The following PTPRT variants were observed in gnomAD, a reference collection of about 807,000 sequenced individuals.
PTPRT encodes protein tyrosine phosphatase receptor type T.
In PTPRT, 56 loss-of-function variants were observed where a neutral mutation model predicts 176.8. The observed-to-expected ratio is 0.32, with a 90% CI of 0.26 to 0.40. PTPRT has a LOEUF of 0.40. Among genes scored for constraint, PTPRT ranks in the 10% least tolerant of loss-of-function variants. The pLI is 1.00. For synonymous variants in PTPRT, 783 were observed against 739.0 expected (o/e 1.06, Z -0.96); for missense variants, 1,540 against 1,908.2 (o/e 0.81, Z 3.60).
intron 11 of PTPRT, among the ~76,000 whole-genome samples, chr20:42,337,253 G>T (rs2058053625): frequency 6.6e-6 from 1 of 152,130 alleles, no homozygotes. Context: ...AACTTACAAT[G>T]TGTCAGAAAA....
At chr20:42,629,979 G>A (rs1476126128) in intron 7 of PTPRT, among the ~76,000 whole-genome samples, 1 of 152,182 alleles carries the variant, frequency 6.6e-6, no homozygotes, top group African/African-American at 2.4e-5. Flanking sequence ...CCCAACCCCT[G>A]AGACCTGTGA....
chr20:42,753,085 C>T (rs996156442), intron 6 of PTPRT, among the ~76,000 whole-genome samples: 3 of 152,248 alleles, frequency 2.0e-5, no homozygotes, highest in Non-Finnish European at 4.4e-5. Context: ...GTTAGCTAGA[C>T]GGACCCAGGG....
At chr20:42,276,239 A>G (rs1192732426) in intron 13 of PTPRT, among the ~76,000 whole-genome samples, 1 of 151,810 alleles carries the variant, frequency 6.6e-6, no homozygotes, top group Non-Finnish European at 1.5e-5. Context: ...TCTCATCTAG[A>G]GACAACAACC....
intron 7 of PTPRT, among the ~76,000 whole-genome samples, chr20:42,500,465 T>C (rs1029027501): frequency 6.6e-6 from 1 of 152,164 alleles, no homozygotes; most frequent in Non-Finnish European, 1.5e-5. Flanking sequence ...TAATTTGTTG[T>C]AATCAAAAAT....
intron 6 of PTPRT, among the ~76,000 whole-genome samples, chr20:42,744,897 T>A (rs1231847237): frequency 6.6e-6 from 1 of 152,172 alleles, no homozygotes; most frequent in Non-Finnish European, 1.5e-5. Context: ...AGGGCCCTAG[T>A]GATTGCAGAG....
the PTPRT span, among the ~76,000 whole-genome samples, chr20:42,040,686 CA>C: frequency 6.6e-6 from 1 of 152,140 alleles, no homozygotes; most frequent in Non-Finnish European, 1.5e-5. Flanking sequence ...GGAAGGAAAA[CA>C]GCCTAAATTA....
At chr20:42,556,197 C>T (rs2072858304) in intron 7 of PTPRT, among the ~76,000 whole-genome samples, 1 of 152,190 alleles carries the variant, frequency 6.6e-6, no homozygotes, top group African/African-American at 2.4e-5. Context: ...ATTTTCCCAT[C>T]CTGGCCAATT....
intron 1 of PTPRT, among the ~76,000 whole-genome samples, chr20:42,898,324 C>A (rs561635335): frequency 6.6e-6 from 1 of 152,240 alleles, no homozygotes; most frequent in South Asian, 2.1e-4. Flanking sequence ...TCCTCCTGTG[C>A]CAGCCTCCCA....
At chr20:42,529,153 C>A (rs1330106112) in intron 7 of PTPRT, among the ~76,000 whole-genome samples, 1 of 152,162 alleles carries the variant, frequency 6.6e-6, no homozygotes, top group Non-Finnish European at 1.5e-5. Context: ...GCTTCCTCAC[C>A]TATAAGATGT....
At chr20:42,854,762 G>C (rs1375772451) in intron 2 of PTPRT, among the ~76,000 whole-genome samples, 3 of 152,236 alleles carry the variant, frequency 2.0e-5, no homozygotes, top group Non-Finnish European at 2.9e-5. Context: ...AAGCCTGCTT[G>C]CTTCCTCTCT....
intron 27 of PTPRT, 80 bp from the exon 28 acceptor site, chr20:42,085,933 C>T: frequency 7.0e-7 from 1 of 1,420,676 alleles, no homozygotes. Flanking sequence ...ACAAGCTTTT[C>T]TTTTCTTTTT....
intron 1 of PTPRT, among the ~76,000 whole-genome samples, chr20:43,144,613 T>G (rs749991049): frequency 2.5e-4 from 38 of 152,170 alleles, no homozygotes; most frequent in South Asian, 1.2e-3. Flanking sequence ...ATGTCCAGAA[T>G]AGGCAAATCC....
At position 43,189,543 on chromosome 20, in the gene PTPRT, C is replaced by G. The variant is rs1359045434; in HGVS notation, c.88+103G>C. On this transcript the variant is annotated intron_variant, in intron 1 of 30. Transcript: ENST00000373187. The surrounding 1 kb of genome is among the most constrained non-coding windows in gnomAD (Gnocchi z 5.0). ...TTCCGGCCATGGGGACCCGCGCCCC[C>G]GCGAGCCCACACAACTTTCTCCTCC... is the stretch of plus-strand genomic sequence containing the variant. 2.7e-6 allele frequency: 2 copies of G among 737,064 alleles called. No homozygotes were observed. Among genetic ancestry groups the G allele is most frequent in the South Asian group, 6.8e-5 (1 of 14,604 alleles). 45.7% of individuals were successfully genotyped at this position (737,064 alleles called of 1,614,324 possible).
intron 2 of PTPRT, among the ~76,000 whole-genome samples, chr20:42,858,454 T>G (rs982673426): frequency 1.3e-5 from 2 of 152,166 alleles, no homozygotes; most frequent in Admixed American, 1.3e-4. Flanking sequence ...AAAACTCGTA[T>G]GTTGAAACGC....
At chr20:42,799,209 A>T (rs6130223) in intron 2 of PTPRT, among the ~76,000 whole-genome samples, 78,846 of 151,708 alleles carry the variant, frequency 0.52, 21,549 homozygotes, top group Middle Eastern at 0.63. Context: ...AAGAGGCAGA[A>T]GGAGAAGCAG....
intron 1 of PTPRT, among the ~76,000 whole-genome samples, chr20:43,016,552 CTTTTTTTTTTT>C (rs11482189): frequency 1.3e-5 from 1 of 76,220 alleles, no homozygotes; most frequent in South Asian, 3.7e-4. Flanking sequence ...TCTAAGGCCA[CTTTTTTTTTTT>C]TTTTTTTTTT....
intron 2 of PTPRT, among the ~76,000 whole-genome samples, chr20:42,822,299 G>A (rs940302782): frequency 2.0e-5 from 3 of 152,116 alleles, no homozygotes; most frequent in Non-Finnish European, 2.9e-5. Flanking sequence ...CAAGCAATGG[G>A]GAAAGGACAT....
In PTPRT at chr20:42,756,493, A is replaced by G. The variant is rs766331576; in HGVS notation, c.828T>C (p.Gly276=). 2.0e-5 allele frequency: 32 copies of G among 1,603,842 alleles called. No individual in the cohort carries two copies. Among genetic ancestry groups the G allele is most frequent in the Non-Finnish European group, 2.7e-5 (32 of 1,173,264 alleles). The part of the protein sequence containing the change: ...RCVIRSDGGS[G]VSNYAELIVK... ...CGATCAGCTCCGCGTAGTTGGACAC[A>G]CCAGACCCACCATCAGAGCGGATCA... is the stretch of plus-strand genomic sequence containing the variant. Residue 276 remains glycine (G), a synonymous_variant, in exon 6 of 31, where the codon GGT becomes GGC. Transcript: ENST00000373187.
intron 16 of PTPRT, among the ~76,000 whole-genome samples, chr20:42,195,847 T>G (rs1991196800): frequency 6.6e-6 from 1 of 152,212 alleles, no homozygotes; most frequent in African/African-American, 2.4e-5. Context: ...CCTTAATCAT[T>G]TGAAAAGTTT....
Sources: gnomAD v4.1 joint callset for allele counts (sites outside exome capture counted in the v4.1 genomes callset) on GRCh38, gnomAD v4.1.1 for gene constraint, Gnocchi (gnomAD v3.1) non-coding constraint, MANE v1.5 for transcripts, NCBI Gene and HGNC (gene_info 2026-07-23, HGNC 2026-07-21) for gene names.